The following KMT2A variants were observed in gnomAD, a reference collection of about 807,000 sequenced individuals.
KMT2A encodes the protein lysine methyltransferase 2A.
A neutral mutation model predicts 345.3 loss-of-function variants in KMT2A; 16 were observed. That is an observed-to-expected ratio of 0.05 (90% CI 0.03 to 0.07). The LOEUF (loss-of-function observed/expected upper bound fraction) is 0.07, where lower values mean the gene tolerates loss of function less well. Ranked by LOEUF, KMT2A falls within the 10% of genes least tolerant of loss-of-function variation. The pLI is 1.00. For synonymous variants in KMT2A, 1,599 were observed against 1,778.6 expected (o/e 0.90, Z 2.54); for missense variants, 3,272 against 4,841.6 (o/e 0.68, Z 9.62).
At position 118,507,479 on chromosome 11, in the gene KMT2A, C is replaced by T. The variant is rs9332848; in HGVS notation, c.10755-50C>T. 4,549 of 1,501,022 alleles carry T rather than the reference C, an allele frequency of 3.0e-3. 14 individuals carry two copies. Among genetic ancestry groups the T allele is most frequent in the Non-Finnish European group, 3.0e-3 (3,215 of 1,078,740 alleles). 93.0% of individuals were successfully genotyped at this position (1,501,022 alleles called of 1,614,324 possible). A position where few individuals can be genotyped will look rare whatever the true frequency, so the allele number is the denominator to read the frequency against. On this transcript the variant is annotated intron_variant, in intron 27 of 35. Transcript: ENST00000534358. ...TTTCGACTCACCTCCACATTCAGTA[C>T]ATATTTACTGGTGGTTTGTCTTGAA...
At chr11:118,443,958 A>G (rs1216260252) in intron 1 of KMT2A, among the ~76,000 whole-genome samples, 14 of 152,190 alleles carry the variant, frequency 9.2e-5, no homozygotes, top group African/African-American at 3.4e-4. Context: ...AAAGATATGA[A>G]TCTTTCTAAC....
rs908307710 is a variant in KMT2A at position 118,472,563 on chromosome 11, C to G, written c.1404C>G (p.His468Gln). ...AAAAATCAAGTGCAGCTTCTCAGCA[C>G]TCCTCTCAAATGTCTTCAGACTCCT... Reference protein sequence around the residue: ...SSEKSSAASQHSSQMSSDSSR... With the variant: ...SSEKSSAASQQSSQMSSDSSR... The change falls in exon 3 of 36, where the codon CAC becomes CAG. Residue 468 changes from histidine to glutamine, a missense_variant. By Grantham distance (24) the His-to-Gln change is conservative. This residue lies in a region of KMT2A where 180 missense variants were observed against 190.7 expected (regional missense o/e 0.94). Coordinates refer to ENST00000534358, the MANE Select transcript of KMT2A (RefSeq NM_001197104.2). The G allele has an allele frequency of 1.9e-6, 3 of 1,612,370 alleles. No homozygotes were observed. The Admixed American group carries it at 5.0e-5, about 27-fold the overall frequency.
At chr11:118,464,217 G>T (rs1949798991) in intron 1 of KMT2A, among the ~76,000 whole-genome samples, 1 of 152,214 alleles carries the variant, frequency 6.6e-6, no homozygotes, top group Admixed American at 6.5e-5. Flanking sequence ...ATCTCAATTG[G>T]TTCAGCTTAC....
At chr11:118,486,082 C>T (rs1565290105) in intron 10 of KMT2A, among the ~76,000 whole-genome samples, 1 of 148,148 alleles carries the variant, frequency 6.8e-6, no homozygotes, top group African/African-American at 2.5e-5. Context: ...GACTCCGTCT[C>T]AAAAAAAAAT....
intron 10 of KMT2A, among the ~76,000 whole-genome samples, chr11:118,486,018 G>C (rs1950222664): frequency 6.6e-6 from 1 of 152,208 alleles, no homozygotes; most frequent in Admixed American, 6.5e-5. Flanking sequence ...GGGAGGTGGA[G>C]CTTGCAGTGA....
At chr11:118,449,996 G>GTT in intron 1 of KMT2A, 1 of 152,244 alleles carries the variant, frequency 6.6e-6, no homozygotes, top group Non-Finnish European at 1.5e-5. Context: ...TGAAAATAAA[G>GTT]TTGGTGTTTG....
rs961294334 is a variant in KMT2A at position 118,498,142 on chromosome 11, G to A, written c.5802+69G>A. On this transcript the variant is annotated intron_variant, in intron 21 of 35. Transcript: ENST00000534358. This position sits in a 1 kb window ranked among gnomAD's most constrained non-coding sequence, Gnocchi z 4.4. ...GTTTCCAGATATTCTTCCTGTGGGT[G>A]AATATGGCCTCCCTGATATTTTTCA... 2 of 1,531,436 alleles carry A rather than the reference G, an allele frequency of 1.3e-6. No individual in the cohort carries two copies. The highest frequency in any genetic ancestry group is 2.3e-5 in the East Asian group (1 of 44,350). 94.9% of individuals were successfully genotyped at this position (1,531,436 alleles called of 1,614,324 possible).
chr11:118,509,949 A>G lies in KMT2A; in HGVS notation c.10902A>G (p.Glu3634=). Residue 3634 remains glutamate, a splice_region_variant and synonymous_variant, in exon 30 of 36, where the codon GAA becomes GAG. Transcript: ENST00000534358. ...CACTATCTATTTTCTCCCTATTAGA[A>G]CCTAAAACAGTGGAAGAAGAGGAAA... ...QNPANEQESA[E]PKTVEEEESN... is the part of the protein sequence containing the mutation. 1 of 1,607,110 alleles carries G rather than the reference A, an allele frequency of 6.2e-7. No homozygotes were observed. The highest frequency in any genetic ancestry group is 8.5e-7 in the Non-Finnish European group (1 of 1,176,150).
Position 118,498,568 on chromosome 11 carries a change from C to CTT in KMT2A, c.5961+45_5961+46dup. ...GTTGCTTTAAAAAAAAAAAAAAAGACTTTTTTAGAGCAGTTTTAGGTTCAC... is the reference window on the plus strand; with the variant it reads ...GTTGCTTTAAAAAAAAAAAAAAAGACTTTTTTTTAGAGCAGTTTTAGGTTCAC... On this transcript the variant is annotated intron_variant, in intron 22 of 35. Transcript: ENST00000534358. The surrounding 1 kb of genome is among the most constrained non-coding windows in gnomAD (Gnocchi z 4.4). The CTT allele has an allele frequency of 7.1e-7, 1 of 1,411,970 alleles. No individual in the cohort carries two copies. Among genetic ancestry groups the CTT allele is most frequent in the East Asian group, 2.3e-5 (1 of 43,476 alleles). 87.5% of individuals were successfully genotyped at this position (1,411,970 alleles called of 1,614,324 possible).
At position 118,473,738 on chromosome 11, in the gene KMT2A, A is replaced by G. The variant is rs561065915; in HGVS notation, c.2579A>G (p.Lys860Arg). ...NKDKAPEELSKDRDADKSVEK... is the reference protein window; with the variant it reads ...NKDKAPEELSRDRDADKSVEK... ...GACAAGGCCCCCGAGGAGCTGTCCA[A>G]AGATCGAGATGCTGACAAGAGCGTG... Residue 860 changes from lysine (K) to arginine (R), a missense_variant, in exon 3 of 36, where the codon AAA becomes AGA. Physicochemically the swap from Lys to Arg is conservative, Grantham distance 26. Around this residue, in one of 27 missense-constraint regions of KMT2A, gnomAD observed 209 missense variants for 237.4 expected, o/e 0.88. Coordinates refer to ENST00000534358, the MANE Select transcript of KMT2A (RefSeq NM_001197104.2). This position sits in a 1 kb window ranked among gnomAD's most constrained non-coding sequence, Gnocchi z 5.2. 5 of 1,614,092 alleles carry G rather than the reference A, an allele frequency of 3.1e-6. No homozygotes were observed. The highest frequency in any genetic ancestry group is 2.2e-5 in the South Asian group (2 of 91,070).
rs2134269303 is a variant in KMT2A, at chr11:118,473,644, T to C, written c.2485T>C (p.Ser829Pro). The change falls in exon 3 of 36, where the codon TCA becomes CCA. Residue 829 changes from serine to proline, a missense_variant. Ser to Pro is a moderately conservative substitution (Grantham distance 74, BLOSUM62 -1). This residue lies in a region of KMT2A where 209 missense variants were observed against 237.4 expected (regional missense o/e 0.88). Coordinates refer to ENST00000534358, the MANE Select transcript of KMT2A (RefSeq NM_001197104.2). This position sits in a 1 kb window ranked among gnomAD's most constrained non-coding sequence, Gnocchi z 5.2. ...TAGTGCTCCGGCAGAGCCATTTTCA[T>C]CAAGTAGTCCTACTCCTCTCTTCCC... ...QTSAPAEPFS[S>P]SSPTPLFPWF... 1 of 1,614,066 alleles carries C rather than the reference T, an allele frequency of 6.2e-7. No homozygotes were observed. Among genetic ancestry groups the C allele is most frequent in the Non-Finnish European group, 8.5e-7 (1 of 1,180,032 alleles).
chr11:118,506,735 CTCT>C (rs1950591233), intron 27 of KMT2A, 89 bp downstream of exon 27: 1 of 1,344,112 alleles, frequency 7.4e-7, no homozygotes, highest in Non-Finnish European at 1.0e-6. Context: ...GGGAGAGACA[CTCT>C]TCTGTTCAAG....
rs1951081927 is a variant in KMT2A at position 118,526,368 on chromosome 11, T to C, written c.*4196T>C. 3 of 226,374 alleles carry C rather than the reference T, an allele frequency of 1.3e-5. No individual in the cohort carries two copies. The South Asian group carries it at 5.5e-4, about 41-fold the overall frequency. The allele number at this position is 226,374 out of a possible 1,614,324, so 14.0% of individuals were successfully genotyped here. On this transcript the variant is annotated 3_prime_UTR_variant, in exon 36 of 36. Transcript: ENST00000534358. ...GGTATCTTGTTCCGAGGTACTCTAG[T>C]TCTGTCTTTCAACCAAGAAAATAGA...
intron 1 of KMT2A, among the ~76,000 whole-genome samples, chr11:118,459,371 T>G (rs1949704394): frequency 6.6e-6 from 1 of 152,102 alleles, no homozygotes; most frequent in South Asian, 2.1e-4. Flanking sequence ...CAGGCCCTGA[T>G]TTTTCATAAG....
chr11:118,502,678 C>G lies in KMT2A; in HGVS notation c.6786C>G (p.Asn2262Lys). The G allele has an allele frequency of 6.2e-7, 1 of 1,614,090 alleles. No individual in the cohort carries two copies. The highest frequency in any genetic ancestry group is 8.5e-7 in the Non-Finnish European group (1 of 1,180,026). ...PLNSSTSLGQ[N>K]TSTSSNLQRT... ...ATTCAAGTACTAGTTTAGGGCAAAACACTTCCACCTCTTCAAATTTGCAAA... is the reference window on the plus strand; with the variant it reads ...ATTCAAGTACTAGTTTAGGGCAAAAGACTTCCACCTCTTCAAATTTGCAAA... The change falls in exon 27 of 36, where the codon AAC (asparagine) becomes AAG (lysine). Residue 2262 changes from asparagine to lysine, a missense_variant. Transcript: ENST00000534358. The surrounding 1 kb of genome is among the most constrained non-coding windows in gnomAD (Gnocchi z 4.9).
intron 28 of KMT2A, among the ~76,000 whole-genome samples, chr11:118,507,925 T>C (rs1199533616): frequency 1.3e-5 from 2 of 152,148 alleles, no homozygotes; most frequent in African/African-American, 4.8e-5. Context: ...ATCGCGCCAC[T>C]GCACTCCAGC....
chr11:118,481,257 C>G (rs569336562), intron 6 of KMT2A, among the ~76,000 whole-genome samples: 1 of 152,188 alleles, frequency 6.6e-6, no homozygotes, highest in South Asian at 2.1e-4. Flanking sequence ...ACTACCCTTC[C>G]CAGCCTCTCA....
intron 1 of KMT2A, among the ~76,000 whole-genome samples, chr11:118,441,416 A>G (rs535265349): frequency 6.6e-6 from 1 of 152,302 alleles, no homozygotes; most frequent in East Asian, 1.9e-4. Context: ...TTATAAGAAA[A>G]ATGAGGATAA....
rs781939416 is a variant in KMT2A, at chr11:118,472,023, G to C, written c.864G>C (p.Gly288=). The change falls in exon 3 of 36, where the codon GGG becomes GGC. Residue 288 remains glycine (G), a synonymous_variant. Transcript: ENST00000534358. ...CTCTCAAGTCTAAGTTTAAGACAGG[G>C]AAGCTTCAAATAGGAAGGAAGGGGG... ...LSPLKSKFKT[G]KLQIGRKGVQ... 1 of 1,613,440 alleles carries C rather than the reference G, an allele frequency of 6.2e-7. No individual in the cohort carries two copies. The highest frequency in any genetic ancestry group is 1.7e-5 in the Admixed American group (1 of 59,854).
Sources: allele counts gnomAD v4.1 joint callset (sites outside exome capture counted in the v4.1 genomes callset), GRCh38; gene constraint gnomAD v4.1.1; regional missense constraint gnomAD v4.1.1; non-coding constraint Gnocchi (gnomAD v3.1); transcripts MANE v1.5; gene names NCBI Gene and HGNC (gene_info 2026-07-23, HGNC 2026-07-21).